The following PDIA3 variants were observed in gnomAD, a reference collection of about 807,000 sequenced individuals.
The protein encoded by PDIA3 is protein disulfide isomerase family A member 3.
Under a neutral mutation model 56.9 loss-of-function variants are expected in PDIA3, and 16 were observed. The ratio of observed to expected loss-of-function variants is 0.28; its 90% CI spans 0.19 to 0.43. The LOEUF is 0.43. Ranked by LOEUF, PDIA3 falls within the 20% of genes least tolerant of loss-of-function variation. PDIA3 has a pLI of 1.00. For missense variants in PDIA3, 485 were observed against 621.3 expected (o/e 0.78, Z 2.33); for synonymous variants, 192 against 216.5 (o/e 0.89, Z 0.99).
In PDIA3 at chr15:43,772,886, T is replaced by A. The variant is rs369454452; in HGVS notation, c.*1668T>A. ...TAAAGGTAAAAAAGCCAAGCCTCTG[T>A]CACTTTTCCTAGACTCCTAGGCACA... On this transcript the variant is annotated 3_prime_UTR_variant, in exon 13 of 13. Coordinates refer to ENST00000300289, the MANE Select transcript of PDIA3 (RefSeq NM_005313.5). 8 of 373,946 alleles carry A rather than the reference T, an allele frequency of 2.1e-5. No individual in the cohort carries two copies. The highest frequency in any genetic ancestry group is 1.7e-4 in the African/African-American group (8 of 48,026). The allele number at this position is 373,946 out of a possible 1,614,324, so 23.2% of individuals were successfully genotyped here.
intron 1 of PDIA3, among the ~76,000 whole-genome samples, chr15:43,748,024 A>G (rs2141640815): frequency 6.6e-6 from 1 of 152,238 alleles, no homozygotes; most frequent in East Asian, 1.9e-4. Flanking sequence ...CAATTATATA[A>G]TCATGCTGTT....
chr15:43,765,852 G>C, intron 6 of PDIA3, 35 bp from the exon 7 acceptor site: 1 of 1,587,744 alleles, frequency 6.3e-7, no homozygotes, highest in Non-Finnish European at 8.5e-7. Flanking sequence ...CTAAAAACTT[G>C]GCAAGCCAGT....
At chr15:43,756,918 T>A (rs1295777145) in intron 3 of PDIA3, 152 bp downstream of exon 3, 1 of 534,638 alleles carries the variant, frequency 1.9e-6, no homozygotes, top group Non-Finnish European at 3.3e-6. Context: ...AAGACCTCTC[T>A]AAATGAACAG....
chr15:43,751,763 G>A lies in PDIA3; in HGVS notation c.168-2061G>A, dbSNP rs1176790360. The A allele has an allele frequency of 3.1e-6, 4 of 1,294,204 alleles. No individual in the cohort carries two copies. The Admixed American group carries it at 9.2e-5, about 30-fold the overall frequency. The allele number at this position is 1,294,204 out of a possible 1,614,324, so 80.2% of individuals were successfully genotyped here. A position where few individuals can be genotyped will look rare whatever the true frequency, so the allele number is the denominator to read the frequency against. Reference sequence around the variant, plus strand: ...ATTTCTGGAGATTCTCATTCAGTAAGCCATGCATACTTTTGTTGTTTTAAT... The same window carrying A: ...ATTTCTGGAGATTCTCATTCAGTAAACCATGCATACTTTTGTTGTTTTAAT... On this transcript the variant is annotated intron_variant, in intron 1 of 12. Coordinates refer to ENST00000300289, the MANE Select transcript of PDIA3 (RefSeq NM_005313.5).
chr15:43,764,226 T>C (rs1409144135), intron 5 of PDIA3, among the ~76,000 whole-genome samples: 1 of 152,134 alleles, frequency 6.6e-6, no homozygotes, highest in Non-Finnish European at 1.5e-5. Flanking sequence ...TGGGTTAAAT[T>C]TGTGAAGAAG....
Position 43,765,430 on chromosome 15 carries a change from T to A in PDIA3, c.603-20T>A. 7.1e-7 allele frequency: 1 copy of A among 1,409,536 alleles called. No homozygotes were observed. Among genetic ancestry groups the A allele is most frequent in the East Asian group, 2.3e-5 (1 of 43,954 alleles). 87.3% of individuals were successfully genotyped at this position (1,409,536 alleles called of 1,614,324 possible). A position where few individuals can be genotyped will look rare whatever the true frequency, so the allele number is the denominator to read the frequency against. On this transcript the variant is annotated intron_variant, in intron 5 of 12. Transcript: ENST00000300289. ...TCTTCTGCTATCTGCCTACTGAGAC[T>A]TTTCTTTTTTTTTTTTAAGGGGTAT...
intron 3 of PDIA3, 116 bp downstream of exon 3, chr15:43,756,882 C>T (rs2086781649): frequency 5.0e-6 from 3 of 601,438 alleles, no homozygotes; most frequent in South Asian, 4.9e-5. Context: ...ACTTCCTCAT[C>T]TAAGAGGTCA....
At chr15:43,768,258 A>T (rs989952154) in intron 8 of PDIA3, among the ~76,000 whole-genome samples, 26 of 152,308 alleles carry the variant, frequency 1.7e-4, no homozygotes, top group South Asian at 4.1e-4. Flanking sequence ...ATGAATCTCC[A>T]GAAGACCAAT....
chr15:43,751,147 A>T lies in PDIA3; in HGVS notation c.168-2677A>T, dbSNP rs1003256146. On this transcript the variant is annotated intron_variant, in intron 1 of 12. Transcript: ENST00000300289. ...ACTCCGTCTCGAAAAAAAAAAAAAA[A>T]ATAATATATGTGCTAATTTCTTTAC... 3.5e-4 allele frequency among the ~76,000 whole-genome samples: 31 copies of T among 89,424 alleles called. No homozygotes were observed. The South Asian group carries it at 9.6e-3, about 28-fold the overall frequency. 58.7% of individuals were successfully genotyped at this position (89,424 alleles called of 152,430 possible). A position where few individuals can be genotyped will look rare whatever the true frequency, so the allele number is the denominator to read the frequency against.
intron 3 of PDIA3, among the ~76,000 whole-genome samples, chr15:43,758,413 C>T (rs1296009831): frequency 6.6e-6 from 1 of 152,176 alleles, no homozygotes. Flanking sequence ...AATCCCAGCA[C>T]TTTGGGAGGC....
intron 5 of PDIA3, 110 bp downstream of exon 5, chr15:43,763,316 A>G (rs1445680730): frequency 8.2e-7 from 1 of 1,214,992 alleles, no homozygotes; most frequent in Non-Finnish European, 1.2e-6. Context: ...GCAGTGGTGC[A>G]ATCTCTGCTC....
At chr15:43,767,780 A>G (rs909577454) in intron 8 of PDIA3, among the ~76,000 whole-genome samples, 8 of 150,712 alleles carry the variant, frequency 5.3e-5, no homozygotes, top group Non-Finnish European at 1.0e-4. Context: ...AAAAAAAAAA[A>G]AAAAAAAAAA....
intron 3 of PDIA3, among the ~76,000 whole-genome samples, chr15:43,757,612 G>C (rs1336128494): frequency 6.6e-6 from 1 of 150,464 alleles, no homozygotes; most frequent in Non-Finnish European, 1.5e-5. Flanking sequence ...TATAATCCCA[G>C]CACTTTGGGA....
chr15:43,749,860 T>G (rs763747693), intron 1 of PDIA3, among the ~76,000 whole-genome samples: 5 of 151,928 alleles, frequency 3.3e-5, no homozygotes, highest in African/African-American at 4.8e-5. Context: ...GAGGAGAAGA[T>G]CACTTGAGCC....
intron 8 of PDIA3, among the ~76,000 whole-genome samples, chr15:43,767,555 A>T (rs2086855434): frequency 6.6e-6 from 1 of 151,584 alleles, no homozygotes; most frequent in South Asian, 2.1e-4. Flanking sequence ...AGGCATGTGG[A>T]TCACAGGAGT....
intron 2 of PDIA3, among the ~76,000 whole-genome samples, chr15:43,754,947 C>G (rs1404256577): frequency 1.3e-5 from 2 of 151,088 alleles, no homozygotes; most frequent in Non-Finnish European, 2.9e-5. Context: ...AGAGCGAAAC[C>G]CTGTCTCAAA....
chr15:43,748,576 C>T (rs1332364143), intron 1 of PDIA3, among the ~76,000 whole-genome samples: 2 of 152,170 alleles, frequency 1.3e-5, no homozygotes, highest in Non-Finnish European at 2.9e-5. Context: ...TCCCATCAGG[C>T]ACTGACTGTC....
intron 5 of PDIA3, among the ~76,000 whole-genome samples, chr15:43,764,784 G>A (rs1229671292): frequency 6.6e-6 from 1 of 152,038 alleles, no homozygotes; most frequent in East Asian, 1.9e-4. Context: ...TGTTTCTAAA[G>A]GTTTGAAAAT....
chr15:43,761,854 A>G (rs898043207), intron 4 of PDIA3, among the ~76,000 whole-genome samples: 1 of 152,188 alleles, frequency 6.6e-6, no homozygotes, highest in Non-Finnish European at 1.5e-5. Context: ...GGATAGGAAT[A>G]TCTTCAGCGT....
Sources: gnomAD v4.1 joint callset for allele counts (sites outside exome capture counted in the v4.1 genomes callset) on GRCh38, gnomAD v4.1.1 for gene constraint, MANE v1.5 for transcripts, NCBI Gene and HGNC (gene_info 2026-07-23, HGNC 2026-07-21) for gene names.